CDH8: variants seen among roughly 807,000 people sequenced by gnomAD.
The protein encoded by CDH8 is cadherin-8.
CDH8 carries 17 observed loss-of-function variants against 68.1 expected under a neutral mutation model. The ratio of observed to expected loss-of-function variants is 0.25; its 90% CI spans 0.17 to 0.37. CDH8 has a LOEUF of 0.37. Among genes scored for constraint, CDH8 ranks in the 10% least tolerant of loss-of-function variants. The pLI is 1.00. For synonymous variants in CDH8, 372 were observed against 365.1 expected (o/e 1.02, Z -0.21); for missense variants, 763 against 999.3 (o/e 0.76, Z 3.19).
At chr16:61,675,628 A>T (rs1046052113) in intron 10 of CDH8, among the ~76,000 whole-genome samples, 31 of 54,314 alleles carry the variant, frequency 5.7e-4, no homozygotes, top group South Asian at 1.8e-3. Flanking sequence ...TAAAAAAAAT[A>T]AAAAAAAATA....
intron 10 of CDH8, among the ~76,000 whole-genome samples, chr16:61,674,359 C>T (rs1963855683): frequency 6.6e-6 from 1 of 150,980 alleles, no homozygotes; most frequent in Non-Finnish European, 1.5e-5. Flanking sequence ...GAGGCTGAGG[C>T]AGGAGAATTG....
intron 3 of CDH8, among the ~76,000 whole-genome samples, chr16:61,895,997 TA>T (rs553346720): frequency 4.6e-4 from 66 of 143,838 alleles, no homozygotes; most frequent in East Asian, 4.5e-3. Context: ...TAAGTCAAAG[TA>T]AAAAAAAAAA....
At chr16:61,844,895 G>T (rs1268746651) in intron 4 of CDH8, among the ~76,000 whole-genome samples, 1 of 152,110 alleles carries the variant, frequency 6.6e-6, no homozygotes, top group African/African-American at 2.4e-5. Context: ...GACTTTAAAA[G>T]TATGACTTTG....
intron 2 of CDH8, among the ~76,000 whole-genome samples, chr16:61,965,461 C>T (rs182662973): frequency 1.3e-5 from 2 of 152,262 alleles, no homozygotes; most frequent in Admixed American, 6.5e-5. Context: ...TTCCAAGGAC[C>T]CCTTTATGAA....
At chr16:61,874,063 AACAG>A (rs1471637056) in intron 3 of CDH8, among the ~76,000 whole-genome samples, 2 of 152,058 alleles carry the variant, frequency 1.3e-5, no homozygotes, top group South Asian at 2.1e-4. Flanking sequence ...TCTCAAAACA[AACAG>A]ACAGACAAAA....
chr16:61,664,963 C>T (rs575106938), intron 10 of CDH8, among the ~76,000 whole-genome samples: 1 of 152,088 alleles, frequency 6.6e-6, no homozygotes, highest in African/African-American at 2.4e-5. Flanking sequence ...TATAACATAT[C>T]ATTTTTCTTG....
At chr16:61,746,397 C>T (rs542969299) in intron 8 of CDH8, among the ~76,000 whole-genome samples, 2 of 152,016 alleles carry the variant, frequency 1.3e-5, no homozygotes, top group East Asian at 3.9e-4. Flanking sequence ...TGAGGAGTCA[C>T]CTCAATTTGT....
At chr16:61,815,485 A>G (rs1477572720) in intron 7 of CDH8, among the ~76,000 whole-genome samples, 1 of 152,230 alleles carries the variant, frequency 6.6e-6, no homozygotes, top group Non-Finnish European at 1.5e-5. Context: ...TACTTTTACT[A>G]TGGCATGAAA....
intron 8 of CDH8, among the ~76,000 whole-genome samples, chr16:61,737,999 A>C (rs1180199586): frequency 6.6e-6 from 1 of 152,160 alleles, no homozygotes; most frequent in Non-Finnish European, 1.5e-5. Flanking sequence ...GTTTATAATT[A>C]AATTAGAACT....
chr16:62,009,256 A>G (rs929566901), intron 2 of CDH8, among the ~76,000 whole-genome samples: 1 of 152,172 alleles, frequency 6.6e-6, no homozygotes, highest in African/African-American at 2.4e-5. Context: ...AGCAGAGGAC[A>G]TGACCAGAAC....
At chr16:61,901,736 AG>A (rs538644774) in intron 2 of CDH8, among the ~76,000 whole-genome samples, 107 of 152,350 alleles carry the variant, frequency 7.0e-4, no homozygotes, top group African/African-American at 2.4e-3. Context: ...AATGATAAAA[AG>A]GTCAAGGAGA....
At chr16:61,885,270 G>A (rs1963651977) in intron 3 of CDH8, among the ~76,000 whole-genome samples, 1 of 151,978 alleles carries the variant, frequency 6.6e-6, no homozygotes, top group Non-Finnish European at 1.5e-5. Context: ...TTGGGTGCTG[G>A]GTATACAAAC....
chr16:61,682,127 C>A lies in CDH8; in HGVS notation c.1655-26406G>T, dbSNP rs138357274. 4.1e-4 allele frequency among the ~76,000 whole-genome samples: 62 copies of A among 151,862 alleles called. 1 individual carries two copies. In the East Asian group the frequency reaches 8.4e-3, roughly 21 times the overall value. Reference sequence around the variant, plus strand: ...ATAATATTCAATCTTTTTTTCTCTCCTTGTGAAAAGTGAAATCTAAGCCAA... The same window carrying A: ...ATAATATTCAATCTTTTTTTCTCTCATTGTGAAAAGTGAAATCTAAGCCAA... On this transcript the variant is annotated intron_variant, in intron 10 of 11. Transcript: ENST00000577390.
At position 61,966,396 on chromosome 16, in the gene CDH8, G is replaced by C. The variant is rs1040081462; in HGVS notation, c.252+54756C>G. Among the ~76,000 whole-genome samples the C allele has an allele frequency of 3.9e-5, 6 of 152,082 alleles. 1 individual carries two copies. The South Asian group carries it at 1.2e-3, about 32-fold the overall frequency. ...TTACTAAAAATACAAAAATTAGCTA[G>C]GTGTGGTGGTGTTCGCCTGTAGTCC... On this transcript the variant is annotated intron_variant, in intron 2 of 11. Coordinates refer to ENST00000577390, the MANE Select transcript of CDH8 (RefSeq NM_001796.5).
intron 10 of CDH8, 132 bp downstream of exon 10, chr16:61,713,709 C>T (rs573072244): frequency 1.7e-5 from 10 of 592,380 alleles, no homozygotes; most frequent in Non-Finnish European, 3.0e-5. Flanking sequence ...TGCCATTATA[C>T]TGATAAGCTG....
At chr16:61,808,117 C>T (rs1046047570) in intron 7 of CDH8, among the ~76,000 whole-genome samples, 1 of 152,158 alleles carries the variant, frequency 6.6e-6, no homozygotes, top group African/African-American at 2.4e-5. Flanking sequence ...AACCTAGTGT[C>T]ATACAGAAGA....
intron 2 of CDH8, among the ~76,000 whole-genome samples, chr16:62,002,257 T>C (rs540658237): frequency 7.2e-5 from 11 of 152,302 alleles, no homozygotes; most frequent in African/African-American, 2.4e-4. Context: ...TGTGTGTATG[T>C]TTGATGAAAT....
chr16:61,987,140 A>G (rs1042753901), intron 2 of CDH8, among the ~76,000 whole-genome samples: 2 of 152,226 alleles, frequency 1.3e-5, no homozygotes, highest in African/African-American at 2.4e-5. Context: ...AGGAGAATGT[A>G]TAAAGTGCTA....
intron 4 of CDH8, among the ~76,000 whole-genome samples, chr16:61,847,318 A>G (rs1436914581): frequency 2.0e-5 from 3 of 151,950 alleles, no homozygotes; most frequent in Non-Finnish European, 2.9e-5. Flanking sequence ...TTTTTGGCAC[A>G]AAAAGAGAAA....
Sources: allele counts gnomAD v4.1 joint callset (sites outside exome capture counted in the v4.1 genomes callset), GRCh38; gene constraint gnomAD v4.1.1; transcripts MANE v1.5; gene names NCBI Gene and HGNC (gene_info 2026-07-23, HGNC 2026-07-21).